The following PSCA variants were observed in gnomAD, a reference collection of about 807,000 sequenced individuals.
PSCA encodes prostate stem cell antigen.
PSCA carries 7 observed loss-of-function variants against 7.9 expected under a neutral mutation model. The ratio of observed to expected loss-of-function variants is 0.89; its 90% CI spans 0.51 to 1.67. The LOEUF (loss-of-function observed/expected upper bound fraction) is 1.67. PSCA is among the 40% of genes most tolerant of loss of function. The pLI is 0.00. For missense variants in PSCA, 151 were observed against 147.9 expected (o/e 1.02, Z -0.11); for synonymous variants, 61 against 68.3 (o/e 0.89, Z 0.53).
At chr8:142,680,755 C>CT in intron 1 of PSCA, 192 bp downstream of exon 1, 2 of 707,322 alleles carry the variant, frequency 2.8e-6, no homozygotes, top group Non-Finnish European at 2.3e-6. Context: ...TGTTCCCTGC[C>CT]GTCCCCTGTG....
In PSCA at chr8:142,681,785, C is replaced by G. The variant is rs587636907; in HGVS notation, c.134-136C>G. 21 of 677,536 alleles carry G rather than the reference C, an allele frequency of 3.1e-5. No individual in the cohort carries two copies. In the Admixed American group the frequency reaches 4.6e-4, roughly 15 times the overall value. The allele number at this position is 677,536 out of a possible 1,614,324, so 42.0% of individuals were successfully genotyped here. ...GAGACCAGGGCCGAGACCAGGCCCT[C>G]GCACTGCTTGCAATCCTGAGGCCAG... On this transcript the variant is annotated intron_variant, in intron 2 of 2. Coordinates refer to ENST00000301258, the MANE Select transcript of PSCA (RefSeq NM_005672.5).
chr8:142,681,940 C>T lies in PSCA; in HGVS notation c.153C>T (p.Thr51=), dbSNP rs782548264. The change falls in exon 3 of 3, where the codon ACC becomes ACT. Residue 51 remains threonine (T), a synonymous_variant. Transcript: ENST00000301258. ...CCCCAGGCGCAGTTGGCCTCCTGACCGTCATCAGCAAAGGCTGCAGCTTGA... is the reference window on the plus strand; with the variant it reads ...CCCCAGGCGCAGTTGGCCTCCTGACTGTCATCAGCAAAGGCTGCAGCTTGA... ...TARIRAVGLL[T]VISKGCSLNC... 2.6e-6 allele frequency: 4 copies of T among 1,559,552 alleles called. No individual in the cohort carries two copies. Among genetic ancestry groups the T allele is most frequent in the Middle Eastern group, 1.7e-4 (1 of 5,962 alleles).
chr8:142,681,600 T>C, intron 2 of PSCA, 166 bp downstream of exon 2: 1 of 659,504 alleles, frequency 1.5e-6, no homozygotes, highest in South Asian at 1.8e-5. Context: ...CCAGCCATCC[T>C]CCTCCATCTG....
rs782097539 is a variant in PSCA at position 142,681,404 on chromosome 8, C to A, written c.103C>A (p.Leu35Met). The change falls in exon 2 of 3, where the codon CTG becomes ATG. Residue 35 changes from leucine (L) to methionine (M), a missense_variant. Transcript: ENST00000301258. ...DCLQVENCTQ[L>M]GEQCWTARIR... ...CCTGCAGGTGGAGAACTGCACCCAG[C>A]TGGGGGAGCAGTGCTGGACCGCGCG... 6.3e-5 allele frequency: 100 copies of A among 1,593,596 alleles called. No homozygotes were observed. Among genetic ancestry groups the A allele is most frequent in the Middle Eastern group, 1.7e-4 (1 of 6,052 alleles).
Position 142,673,941 on chromosome 8 carries a change from T to G in PSCA, n.261+3373T>G, listed in dbSNP as rs1452141462. Among the ~76,000 whole-genome samples the G allele has an allele frequency of 2.0e-5, 3 of 151,152 alleles. No homozygotes were observed. The highest frequency in any genetic ancestry group is 7.3e-5 in the African/African-American group (3 of 41,104). On this transcript the variant is annotated intron_variant and non_coding_transcript_variant, in intron 1 of 1. Transcript: ENST00000505305. The surrounding 1 kb of genome is among the most constrained non-coding windows in gnomAD (Gnocchi z 4.6). ...CAGTCTAACCTCAGCAGAGCTCAGATCCCCTCATCTTCCTAATGAATAACG... is the reference window on the plus strand; with the variant it reads ...CAGTCTAACCTCAGCAGAGCTCAGAGCCCCTCATCTTCCTAATGAATAACG...
chr8:142,679,913 AG>A (rs1847441657), upstream of PSCA: 1 of 152,386 alleles, frequency 6.6e-6, no homozygotes. Flanking sequence ...GGCCTGAACC[AG>A]TTTTTCAGGT....
chr8:142,681,403 G>C lies in PSCA; in HGVS notation c.102G>C (p.Gln34His). ...GCCTGCAGGTGGAGAACTGCACCCA[G>C]CTGGGGGAGCAGTGCTGGACCGCGC... ...EDCLQVENCT[Q>H]LGEQCWTARI... The change falls in exon 2 of 3, where the codon CAG becomes CAC. Residue 34 changes from glutamine (Q) to histidine (H), a missense_variant. Transcript: ENST00000301258. 6.3e-7 allele frequency: 1 copy of C among 1,593,578 alleles called. No individual in the cohort carries two copies. Among genetic ancestry groups the C allele is most frequent in the Non-Finnish European group, 8.5e-7 (1 of 1,170,334 alleles).
At chr8:142,677,275 C>T (rs1241403128), upstream of PSCA, among the ~76,000 whole-genome samples, 1 of 152,194 alleles carries the variant, frequency 6.6e-6, no homozygotes, top group African/African-American at 2.4e-5. Flanking sequence ...TCAGACCAGC[C>T]ACACCCTCAG....
intron 1 of PSCA, among the ~76,000 whole-genome samples, chr8:142,671,814 G>A (rs1383226683): frequency 3.9e-5 from 6 of 152,224 alleles, no homozygotes; most frequent in South Asian, 2.1e-4. Flanking sequence ...TTCCAGGCAC[G>A]AGCCCATGTG....
Position 142,682,437 on chromosome 8 carries a change from T to C in PSCA, c.*305T>C. On this transcript the variant is annotated 3_prime_UTR_variant, in exon 3 of 3. Coordinates refer to ENST00000301258, the MANE Select transcript of PSCA (RefSeq NM_005672.5). The stretch of plus-strand genomic sequence containing the variant: ...CCTTAACCCTGTGCTCAGGCACCTC[T>C]TCCCCCAGGAAGCCTTCCCTGCCCA... 1.6e-6 allele frequency: 1 copy of C among 640,798 alleles called. No homozygotes were observed. Among genetic ancestry groups the C allele is most frequent in the East Asian group, 3.1e-5 (1 of 31,936 alleles). 39.7% of individuals were successfully genotyped at this position (640,798 alleles called of 1,614,324 possible). A position where few individuals can be genotyped will look rare whatever the true frequency, so the allele number is the denominator to read the frequency against.
At chr8:142,680,604 G>T in intron 1 of PSCA, 41 bp downstream of exon 1, 1 of 1,552,500 alleles carries the variant, frequency 6.4e-7, no homozygotes, top group South Asian at 1.2e-5. Flanking sequence ...GGGAGCAGGG[G>T]TGAGCCGGGG....
chr8:142,680,609 C>T, intron 1 of PSCA, 46 bp downstream of exon 1: 5 of 1,550,750 alleles, frequency 3.2e-6, no homozygotes, highest in Middle Eastern at 1.7e-4. Context: ...CAGGGGTGAG[C>T]CGGGGAGGCC....
chr8:142,682,206 G>T lies in PSCA; in HGVS notation c.*74G>T. On this transcript the variant is annotated 3_prime_UTR_variant, in exon 3 of 3. Coordinates refer to ENST00000301258, the MANE Select transcript of PSCA (RefSeq NM_005672.5). ...CTCTGTGCCACTCCTCACACACCCG[G>T]CCCAGTGGGAGCCTGTCCTGGTTCC... The T allele has an allele frequency of 6.7e-7, 1 of 1,484,094 alleles. No individual in the cohort carries two copies. Among genetic ancestry groups the T allele is most frequent in the Non-Finnish European group, 9.1e-7 (1 of 1,095,834 alleles). The allele number at this position is 1,484,094 out of a possible 1,614,324, so 91.9% of individuals were successfully genotyped here.
At chr8:142,679,557 T>C (rs1847437899), upstream of PSCA, among the ~76,000 whole-genome samples, 1 of 152,204 alleles carries the variant, frequency 6.6e-6, no homozygotes, top group Non-Finnish European at 1.5e-5. Flanking sequence ...GGTACCCATT[T>C]TAGGGAGACA....
chr8:142,682,100 G>A lies in PSCA; in HGVS notation c.313G>A (p.Gly105Ser), dbSNP rs782076248. 17 of 1,603,970 alleles carry A rather than the reference G, an allele frequency of 1.1e-5. No individual in the cohort carries two copies. Among genetic ancestry groups the A allele is most frequent in the East Asian group, 2.2e-5 (1 of 44,868 alleles). Residue 105 changes from glycine (G) to serine (S), a missense_variant, in exon 3 of 3, where the codon GGC becomes AGC. Transcript: ENST00000301258. ...CATCCTTGCGCTGCTCCCTGCACTC[G>A]GCCTGCTGCTCTGGGGACCCGGCCA... ...AAILALLPALGLLLWGPGQL is the reference protein window; with the variant it reads ...AAILALLPALSLLLWGPGQL
upstream of PSCA, chr8:142,680,367 G>A (rs1847447304): frequency 4.3e-5 from 29 of 677,726 alleles, no homozygotes; most frequent in South Asian, 4.1e-4. Context: ...GGTCGCTCAG[G>A]GAGGAGACTC....
At position 142,682,540 on chromosome 8, in the gene PSCA, G is replaced by A. The variant is rs1045574; in HGVS notation, c.*408G>A. On this transcript the variant is annotated 3_prime_UTR_variant, in exon 3 of 3. Coordinates refer to ENST00000301258, the MANE Select transcript of PSCA (RefSeq NM_005672.5). ...AGGGGACAGGCACTCAGGAGGGCCC[G>A]GTAAAGGCTGAGATGAAGTGGACTG... 202,541 of 445,148 alleles carry A rather than the reference G, an allele frequency of 0.45. 46,918 individuals carry two copies. Among genetic ancestry groups the A allele is most frequent in the Admixed American group, 0.54 (21,498 of 39,866 alleles). The allele number at this position is 445,148 out of a possible 1,614,324, so 27.6% of individuals were successfully genotyped here. A position where few individuals can be genotyped will look rare whatever the true frequency, so the allele number is the denominator to read the frequency against.
At chr8:142,674,250 A>T (rs3098900) in intron 1 of PSCA, among the ~76,000 whole-genome samples, 3 of 143,634 alleles carry the variant, frequency 2.1e-5, no homozygotes, top group Admixed American at 7.0e-5. Context: ...GTCTAACCTC[A>T]GCAGAGCTCA....
In PSCA at chr8:142,682,381, G is replaced by A. The variant is rs1814668323; in HGVS notation, c.*249G>A. ...GCAGATGGCCCCTCCAACCCTCTCT[G>A]CTGCTGTTTCCATGGCCCAGCATTC... On this transcript the variant is annotated 3_prime_UTR_variant, in exon 3 of 3. Transcript: ENST00000301258. 1.4e-6 allele frequency: 1 copy of A among 697,278 alleles called. No homozygotes were observed. The highest frequency in any genetic ancestry group is 2.6e-6 in the Non-Finnish European group (1 of 382,440). 43.2% of individuals were successfully genotyped at this position (697,278 alleles called of 1,614,324 possible). A position where few individuals can be genotyped will look rare whatever the true frequency, so the allele number is the denominator to read the frequency against.
Sources: gnomAD v4.1 joint callset for allele counts (sites outside exome capture counted in the v4.1 genomes callset) on GRCh38, gnomAD v4.1.1 for gene constraint, Gnocchi (gnomAD v3.1) non-coding constraint, MANE v1.5 for transcripts, NCBI Gene and HGNC (gene_info 2026-07-23, HGNC 2026-07-21) for gene names.